Variants in FBXO31 observed in about 807,000 individuals in gnomAD.
FBXO31 encodes the protein F-box protein 31, also known as F-box only protein 31.
A neutral mutation model predicts 54.4 loss-of-function variants in FBXO31; 24 were observed. The ratio of observed to expected loss-of-function variants is 0.44; its 90% CI spans 0.32 to 0.62. FBXO31 has a LOEUF of 0.62. Among genes scored for constraint, FBXO31 ranks in the 20% least tolerant of loss-of-function variants. FBXO31 has a pLI of 0.05. For missense variants in FBXO31, 665 were observed against 787.1 expected (o/e 0.84, Z 1.86); for synonymous variants, 388 against 335.6 (o/e 1.16, Z -1.71).
rs565646442 is a variant in FBXO31 at position 87,338,259 on chromosome 16, C to G, written c.733-1995G>C. Among the ~76,000 whole-genome samples the G allele has an allele frequency of 1.4e-4, 22 of 152,122 alleles. No homozygotes were observed. In the East Asian group the frequency reaches 4.1e-3, roughly 28 times the overall value. ...AAGAAAAAAAAAAAAACAGGGAGCC[C>G]AGGACATGCACGACAACGATCAACT... On this transcript the variant is annotated intron_variant, in intron 5 of 8. Coordinates refer to ENST00000311635, the MANE Select transcript of FBXO31 (RefSeq NM_024735.5). The surrounding 1 kb of genome is among the most constrained non-coding windows in gnomAD (Gnocchi z 4.3).
At chr16:87,331,579 T>C (rs1904861606) in intron 8 of FBXO31, 69 bp from the exon 9 acceptor site, 3 of 1,305,130 alleles carry the variant, frequency 2.3e-6, no homozygotes, top group Non-Finnish European at 3.2e-6. Flanking sequence ...ACGTACAGCA[T>C]TCTGCGACCC....
intron 5 of FBXO31, among the ~76,000 whole-genome samples, chr16:87,342,426 T>C (rs796178859): frequency 3.3e-5 from 5 of 152,264 alleles, no homozygotes; most frequent in African/African-American, 1.2e-4. Context: ...AATATTAAAA[T>C]ACTCAGGCAA....
intron 1 of FBXO31, among the ~76,000 whole-genome samples, chr16:87,378,144 A>G (rs1225565969): frequency 2.6e-5 from 4 of 151,594 alleles, no homozygotes; most frequent in Admixed American, 2.0e-4. Flanking sequence ...GGGCAACAAG[A>G]GCAAAACTCC....
Position 87,335,827 on chromosome 16 carries a change from T to C in FBXO31, c.842+328A>G, listed in dbSNP as rs939729018. On this transcript the variant is annotated intron_variant, in intron 6 of 8. Transcript: ENST00000311635. This position sits in a 1 kb window ranked among gnomAD's most constrained non-coding sequence, Gnocchi z 5.7. ...GGGGCTGAGCTCTAGAGTGCCAGTG[T>C]TGGCAGGGGTGACAGGAAATCAGAT... is the stretch of plus-strand genomic sequence containing the variant. Among the ~76,000 whole-genome samples the C allele has an allele frequency of 2.0e-5, 3 of 151,938 alleles. No individual in the cohort carries two copies. The highest frequency in any genetic ancestry group is 1.9e-4 in the East Asian group (1 of 5,190).
rs1158221106 is a variant in FBXO31 at position 87,383,677 on chromosome 16, C to G, written c.68G>C (p.Arg23Pro). ...GGCCGCCGCCGTCTCGGCCGGGCCCCGGCGCTGCTGGCGGCGCCGACATCC... is the reference window on the plus strand; with the variant it reads ...GGCCGCCGCCGTCTCGGCCGGGCCCGGGCGCTGCTGGCGGCGCCGACATCC... The part of the protein sequence containing the change: ...SRGCRRRQQR[R>P]GPAETAAADS... Residue 23 changes from arginine (R) to proline (P), a missense_variant, in exon 1 of 9, where the codon CGG (arginine) becomes CCG (proline). Transcript: ENST00000311635. The surrounding 1 kb of genome is among the most constrained non-coding windows in gnomAD (Gnocchi z 4.9). The G allele has an allele frequency of 1.8e-5, 23 of 1,290,082 alleles. No homozygotes were observed. Among genetic ancestry groups the G allele is most frequent in the Admixed American group, 4.1e-5 (1 of 24,460 alleles). The allele number at this position is 1,290,082 out of a possible 1,614,324, so 79.9% of individuals were successfully genotyped here.
Position 87,343,673 on chromosome 16 carries a change from G to C in FBXO31, c.582C>G (p.Ile194Met). The change falls in exon 4 of 9, where the codon ATC becomes ATG. Residue 194 changes from isoleucine to methionine, a missense_variant. Physicochemically the swap from Ile to Met is conservative, Grantham distance 10. Transcript: ENST00000311635. The part of the protein sequence containing the change: ...DPMRFKPLFR[I>M]HLMERKAATV... ...TGGCAGCCTTCCTCTCCATCAGGTGGATCCTGAACAGAGGCTTGAATCTCA... is the reference window on the plus strand; with the variant it reads ...TGGCAGCCTTCCTCTCCATCAGGTGCATCCTGAACAGAGGCTTGAATCTCA... 1 of 1,614,246 alleles carries C rather than the reference G, an allele frequency of 6.2e-7. No individual in the cohort carries two copies. Among genetic ancestry groups the C allele is most frequent in the Non-Finnish European group, 8.5e-7 (1 of 1,180,028 alleles).
In FBXO31 at chr16:87,383,003, G is replaced by A. The variant is rs11860662; in HGVS notation, c.340+402C>T. 6.6e-6 allele frequency among the ~76,000 whole-genome samples: 1 copy of A among 152,128 alleles called. No homozygotes were observed. Among genetic ancestry groups the A allele is most frequent in the Non-Finnish European group, 1.5e-5 (1 of 68,010 alleles). On this transcript the variant is annotated intron_variant, in intron 1 of 8. Coordinates refer to ENST00000311635, the MANE Select transcript of FBXO31 (RefSeq NM_024735.5). The surrounding 1 kb of genome is among the most constrained non-coding windows in gnomAD (Gnocchi z 4.9). The stretch of plus-strand genomic sequence containing the variant: ...CGGGGCACCCTCGGCTCGCCTTCAA[G>A]ACAGGGGCAGAGGAGGCGGCCCCCA...
In FBXO31 at chr16:87,337,492, G is replaced by A. The variant is rs115260618; in HGVS notation, c.733-1228C>T. Among the ~76,000 whole-genome samples, 248 of 152,322 alleles carry A rather than the reference G, an allele frequency of 1.6e-3. No individual in the cohort carries two copies. In the South Asian group the frequency reaches 0.028, roughly 17 times the overall value. ...GGGACAGACAGGCCATCAGGAAAACGAAGAGCAAACGGGAGGACCAGGCTG... is the reference window on the plus strand; with the variant it reads ...GGGACAGACAGGCCATCAGGAAAACAAAGAGCAAACGGGAGGACCAGGCTG... On this transcript the variant is annotated intron_variant, in intron 5 of 8. Transcript: ENST00000311635.
At chr16:87,379,437 C>G (rs150820878) in intron 1 of FBXO31, among the ~76,000 whole-genome samples, 54 of 152,222 alleles carry the variant, frequency 3.5e-4, no homozygotes, top group African/African-American at 1.1e-3. Context: ...TTATGTTGAC[C>G]AGGAACTGAC....
At chr16:87,389,164 T>G (rs1237353297) in intron 1 of FBXO31, among the ~76,000 whole-genome samples, 1 of 151,728 alleles carries the variant, frequency 6.6e-6, no homozygotes, top group Non-Finnish European at 1.5e-5. Flanking sequence ...ATACAATAGA[T>G]ATATATTATT....
At chr16:87,339,629 C>T (rs796974974) in intron 5 of FBXO31, among the ~76,000 whole-genome samples, 3 of 152,292 alleles carry the variant, frequency 2.0e-5, no homozygotes, top group African/African-American at 7.2e-5. Flanking sequence ...AGCTCAGAAG[C>T]GGGACGAGCC....
chr16:87,353,886 G>T lies in FBXO31; in HGVS notation c.412+6409C>A, dbSNP rs1597368964. ...TTCTGTTATTTTAGACCCTCTTTGTGTTCATCTGCTCCAGCAGCCCTGGCA... is the reference window on the plus strand; with the variant it reads ...TTCTGTTATTTTAGACCCTCTTTGTTTTCATCTGCTCCAGCAGCCCTGGCA... On this transcript the variant is annotated intron_variant, in intron 2 of 8. Transcript: ENST00000311635. 3.3e-5 allele frequency among the ~76,000 whole-genome samples: 5 copies of T among 152,366 alleles called. 1 individual carries two copies. Among genetic ancestry groups the T allele is most frequent in the Admixed American group, 3.3e-4 (5 of 15,310 alleles).
At chr16:87,343,487 C>T in intron 4 of FBXO31, 111 bp downstream of exon 4, 2 of 1,348,562 alleles carry the variant, frequency 1.5e-6, no homozygotes, top group Non-Finnish European at 2.0e-6. Context: ...CTCCCACCCG[C>T]CGATCTGCTA....
At chr16:87,390,924 C>T (rs1406497737), upstream of FBXO31, among the ~76,000 whole-genome samples, 1 of 152,148 alleles carries the variant, frequency 6.6e-6, no homozygotes, top group East Asian at 1.9e-4. Context: ...ATGATTCAAG[C>T]TTACAGTGTA....
At chr16:87,374,061 G>A (rs1421108966) in intron 1 of FBXO31, among the ~76,000 whole-genome samples, 1 of 152,034 alleles carries the variant, frequency 6.6e-6, no homozygotes, top group Non-Finnish European at 1.5e-5. Context: ...GCAACACTGT[G>A]AGAACCCATC....
At chr16:87,365,489 T>C (rs1441893561) in intron 1 of FBXO31, among the ~76,000 whole-genome samples, 1 of 152,204 alleles carries the variant, frequency 6.6e-6, no homozygotes, top group Non-Finnish European at 1.5e-5. Flanking sequence ...CAGGCCGCTC[T>C]GGGCGTGGTC....
intron 2 of FBXO31, among the ~76,000 whole-genome samples, chr16:87,353,241 G>A (rs918525764): frequency 6.6e-5 from 10 of 152,124 alleles, no homozygotes; most frequent in South Asian, 4.1e-4. Context: ...TTACTCCCAC[G>A]GAGAACCCGC....
At chr16:87,369,848 A>AAAAT (rs199600947) in intron 1 of FBXO31, among the ~76,000 whole-genome samples, 2,422 of 152,258 alleles carry the variant, frequency 0.016, 29 homozygotes, top group Middle Eastern at 0.051. Context: ...CTCCGTCTCA[A>AAAAT]AAATAAATAA....
intron 8 of FBXO31, among the ~76,000 whole-genome samples, chr16:87,333,385 C>T (rs1904930525): frequency 6.6e-6 from 1 of 152,194 alleles, no homozygotes. Context: ...GAAAGCAGGA[C>T]CCACATCTGA....
Sources: allele counts gnomAD v4.1 joint callset (sites outside exome capture counted in the v4.1 genomes callset), GRCh38; gene constraint gnomAD v4.1.1; non-coding constraint Gnocchi (gnomAD v3.1); transcripts MANE v1.5; gene names NCBI Gene and HGNC (gene_info 2026-07-23, HGNC 2026-07-21).